The following SLC38A8 variants were observed in gnomAD, a reference collection of about 807,000 sequenced individuals.
SLC38A8 encodes the protein solute carrier family 38 member 8, also known as amino acid transporter SLC38A8.
SLC38A8 carries 65 observed loss-of-function variants against 46.0 expected under a neutral mutation model. That is an observed-to-expected ratio of 1.41 (90% CI 1.16 to 1.74). The LOEUF is 1.74. Among genes scored for constraint, SLC38A8 ranks in the 40% most tolerant of loss-of-function variants. The pLI is 0.00. For missense variants in SLC38A8, 998 were observed against 567.9 expected, an observed-to-expected ratio of 1.76 and a Z score of -7.70; for synonymous variants, 447 against 243.7, an observed-to-expected ratio of 1.83 and a Z score of -7.77.
chr16:84,032,219 C>T (rs779502752), intron 4 of SLC38A8, among the ~76,000 whole-genome samples: 6 of 152,056 alleles, frequency 3.9e-5, no homozygotes, highest in Non-Finnish European at 7.4e-5. Flanking sequence ...GACGGAGTCT[C>T]GCTCTGTTGC....
chr16:84,015,195 G>A (rs2085010610), intron 9 of SLC38A8, among the ~76,000 whole-genome samples: 1 of 152,238 alleles, frequency 6.6e-6, no homozygotes, highest in East Asian at 1.9e-4. Flanking sequence ...CTTGCTGTGT[G>A]TGGGGCCCTG....
At chr16:84,023,015 C>T in intron 6 of SLC38A8, 126 bp from the exon 7 acceptor site, 1 of 638,776 alleles carries the variant, frequency 1.6e-6, no homozygotes. Context: ...ATAGCCTGAT[C>T]AATCCTTTAT....
At chr16:84,035,631 G>C (rs28615412) in intron 3 of SLC38A8, among the ~76,000 whole-genome samples, 1 of 152,160 alleles carries the variant, frequency 6.6e-6, no homozygotes, top group Admixed American at 6.5e-5. Flanking sequence ...CCAAGTCATA[G>C]TTAGATTCTA....
chr16:84,039,484 G>C (rs4782880), intron 2 of SLC38A8, among the ~76,000 whole-genome samples: 120,802 of 152,100 alleles, frequency 0.79, 48,114 homozygotes, highest in East Asian at 0.91. Context: ...GTGGCTCATG[G>C]CTGTAATCCC....
chr16:84,035,981 A>G (rs1226762534), intron 3 of SLC38A8, among the ~76,000 whole-genome samples: 1 of 152,244 alleles, frequency 6.6e-6, no homozygotes, highest in Admixed American at 6.5e-5. Context: ...GCAACTGCAG[A>G]GTACACATTC....
chr16:84,039,233 A>C (rs1006583344), intron 2 of SLC38A8, among the ~76,000 whole-genome samples: 6 of 152,210 alleles, frequency 3.9e-5, no homozygotes, highest in African/African-American at 1.2e-4. Flanking sequence ...CAGAACTGTG[A>C]GAGAATACAT....
rs4782578 is a variant in SLC38A8 at position 84,029,815 on chromosome 16, G to A, written c.633-264C>T. Among the ~76,000 whole-genome samples, 42,969 of 152,124 alleles carry A rather than the reference G, an allele frequency of 0.28. 6,261 individuals carry two copies. Among genetic ancestry groups the A allele is most frequent in the East Asian group, 0.41 (2,127 of 5,172 alleles). On this transcript the variant is annotated intron_variant, in intron 5 of 10. Transcript: ENST00000299709. ...GCAGAATTTGGGCAGGAAAACCGCAGTAGGAACTCCCAACTTCCCTCTTGA... is the reference window on the plus strand; with the variant it reads ...GCAGAATTTGGGCAGGAAAACCGCAATAGGAACTCCCAACTTCCCTCTTGA...
chr16:84,013,147 G>C (rs971960547), intron 9 of SLC38A8, 95 bp from the exon 10 acceptor site: 4 of 1,433,278 alleles, frequency 2.8e-6, no homozygotes, highest in Admixed American at 3.8e-5. Flanking sequence ...CAGGAGGCCA[G>C]CAAGGCCTCC....
intron 9 of SLC38A8, among the ~76,000 whole-genome samples, chr16:84,014,512 A>G (rs532051270): frequency 2.1e-4 from 31 of 150,674 alleles, no homozygotes; most frequent in African/African-American, 7.1e-4. Context: ...GCGCCACCCT[A>G]AGCCCAAGGG....
chr16:84,022,225 C>G (rs1297916004), intron 7 of SLC38A8, among the ~76,000 whole-genome samples: 1 of 152,232 alleles, frequency 6.6e-6, no homozygotes, highest in Non-Finnish European at 1.5e-5. Context: ...TGAAAAAAGA[C>G]TGGCGTCAAG....
intron 7 of SLC38A8, among the ~76,000 whole-genome samples, chr16:84,021,898 G>C (rs572331234): frequency 2.0e-5 from 3 of 152,360 alleles, no homozygotes; most frequent in African/African-American, 7.2e-5. Flanking sequence ...GGCGCGCAGA[G>C]TGTCACATGG....
intron 5 of SLC38A8, 27 bp downstream of exon 5, chr16:84,031,840 T>G (rs772072504): frequency 1.2e-6 from 2 of 1,604,502 alleles, no homozygotes; most frequent in Non-Finnish European, 1.7e-6. Flanking sequence ...CCGCCGAGGC[T>G]GCCGGAAGCT....
chr16:84,026,804 T>C (rs1191063927), intron 6 of SLC38A8, among the ~76,000 whole-genome samples: 1 of 152,060 alleles, frequency 6.6e-6, no homozygotes. Flanking sequence ...AAGGCCACAA[T>C]AGGATTCCAT....
intron 6 of SLC38A8, among the ~76,000 whole-genome samples, chr16:84,027,122 T>A (rs964694250): frequency 1.3e-5 from 2 of 151,984 alleles, no homozygotes; most frequent in African/African-American, 4.8e-5. Flanking sequence ...GAGGCTGAGG[T>A]GGGCAGATCA....
intron 9 of SLC38A8, among the ~76,000 whole-genome samples, chr16:84,014,895 G>C (rs556542529): frequency 6.6e-6 from 1 of 152,190 alleles, no homozygotes; most frequent in South Asian, 2.1e-4. Flanking sequence ...CCGGGGTATT[G>C]ACAAAGTTGT....
chr16:84,013,831 A>T (rs527386945), intron 9 of SLC38A8, among the ~76,000 whole-genome samples: 1 of 151,886 alleles, frequency 6.6e-6, no homozygotes, highest in Non-Finnish European at 1.5e-5. Flanking sequence ...TGTCCTGGGC[A>T]GTCCTTCCCA....
intron 2 of SLC38A8, among the ~76,000 whole-genome samples, chr16:84,040,333 T>G (rs1296713837): frequency 1.3e-5 from 2 of 152,152 alleles, no homozygotes; most frequent in African/African-American, 2.4e-5. Flanking sequence ...GGTTCCCTTC[T>G]CCTCAAGTCT....
At chr16:84,038,125 A>C (rs2085322807) in intron 2 of SLC38A8, among the ~76,000 whole-genome samples, 1 of 152,122 alleles carries the variant, frequency 6.6e-6, no homozygotes, top group Non-Finnish European at 1.5e-5. Context: ...AGCCTGGCCA[A>C]CATGATGAAA....
chr16:84,020,905 A>G (rs1043216622), intron 7 of SLC38A8, among the ~76,000 whole-genome samples: 1 of 152,162 alleles, frequency 6.6e-6, no homozygotes, highest in African/African-American at 2.4e-5. Context: ...AGAGTTCCAG[A>G]TCTTGCTGCT....
Sources: allele counts gnomAD v4.1 joint callset (sites outside exome capture counted in the v4.1 genomes callset), GRCh38; gene constraint gnomAD v4.1.1; transcripts MANE v1.5; gene names NCBI Gene and HGNC (gene_info 2026-07-23, HGNC 2026-07-21).